The following KIF6 variants were observed in gnomAD, a reference collection of about 807,000 sequenced individuals.
KIF6 encodes kinesin family member 6, also known as kinesin-like protein KIF6.
Under a neutral mutation model 112.7 loss-of-function variants are expected in KIF6, and 106 were observed. The ratio of observed to expected loss-of-function variants is 0.94; its 90% CI spans 0.80 to 1.11. The LOEUF is 1.11. KIF6 is among the 50% of genes least tolerant of loss of function. KIF6 has a pLI of 0.00. For synonymous variants in KIF6, 339 were observed against 339.9 expected (o/e 1.00, Z 0.03); for missense variants, 929 against 964.0 (o/e 0.96, Z 0.48).
At chr6:39,412,596 C>A (rs528032798) in intron 15 of KIF6, among the ~76,000 whole-genome samples, 1 of 152,108 alleles carries the variant, frequency 6.6e-6, no homozygotes, top group African/African-American at 2.4e-5. Flanking sequence ...TCTCTTACAA[C>A]CATGTTTCTT....
chr6:39,518,733 T>G (rs1254711546), intron 13 of KIF6, among the ~76,000 whole-genome samples: 1 of 152,206 alleles, frequency 6.6e-6, no homozygotes, highest in Non-Finnish European at 1.5e-5. Context: ...TGGCACTTCT[T>G]GGAATGATCA....
chr6:39,348,931 A>T (rs1411256466), intron 19 of KIF6, among the ~76,000 whole-genome samples: 1 of 152,138 alleles, frequency 6.6e-6, no homozygotes, highest in Non-Finnish European at 1.5e-5. Flanking sequence ...ACCGGGCAAC[A>T]TTTATCTGCT....
intron 7 of KIF6, among the ~76,000 whole-genome samples, chr6:39,586,836 T>C (rs985331628): frequency 6.6e-6 from 1 of 152,166 alleles, no homozygotes; most frequent in African/African-American, 2.4e-5. Context: ...CAGATTCTCA[T>C]GCAAGATTGT....
intron 13 of KIF6, among the ~76,000 whole-genome samples, chr6:39,524,351 G>T (rs1777583160): frequency 6.6e-6 from 1 of 152,136 alleles, no homozygotes; most frequent in Non-Finnish European, 1.5e-5. Flanking sequence ...TTACTATAGA[G>T]TTACATTGTG....
Position 39,639,211 on chromosome 6 carries a change from C to G in KIF6, c.399+399G>C, listed in dbSNP as rs1784783576. ...TTGGTAAATTCCTCTGGGCTTCTATCAAGTGTAAAATAGTAACAATTATAC... is the reference window on the plus strand; with the variant it reads ...TTGGTAAATTCCTCTGGGCTTCTATGAAGTGTAAAATAGTAACAATTATAC... On this transcript the variant is annotated intron_variant, in intron 4 of 22. Transcript: ENST00000287152. Among the ~76,000 whole-genome samples, 5 of 152,020 alleles carry G rather than the reference C, an allele frequency of 3.3e-5. No individual in the cohort carries two copies. In the South Asian group the frequency reaches 1.0e-3, roughly 31 times the overall value.
intron 13 of KIF6, among the ~76,000 whole-genome samples, chr6:39,536,280 G>GT (rs34411351): frequency 0.043 from 6,568 of 151,982 alleles, 323 homozygotes; most frequent in East Asian, 0.27. Flanking sequence ...CCAGGAGCTG[G>GT]TTTTTTTAAA....
chr6:39,557,437 G>T (rs1473437170), intron 10 of KIF6, among the ~76,000 whole-genome samples: 1 of 152,100 alleles, frequency 6.6e-6, no homozygotes, highest in Non-Finnish European at 1.5e-5. Context: ...CCATGAAATT[G>T]TTAAAACAAT....
intron 16 of KIF6, among the ~76,000 whole-genome samples, chr6:39,369,490 G>C (rs1765807153): frequency 6.6e-6 from 1 of 152,156 alleles, no homozygotes; most frequent in Non-Finnish European, 1.5e-5. Flanking sequence ...CCAGATGCCT[G>C]CTTGTAGCAA....
chr6:39,367,487 A>G (rs1167329587), intron 16 of KIF6, among the ~76,000 whole-genome samples: 1 of 152,202 alleles, frequency 6.6e-6, no homozygotes, highest in Non-Finnish European at 1.5e-5. Context: ...AAAGCAGTAC[A>G]AAAGCAAGAG....
At chr6:39,644,319 A>C (rs2466409) in intron 3 of KIF6, among the ~76,000 whole-genome samples, 81,308 of 152,004 alleles carry the variant, frequency 0.53, 24,776 homozygotes, top group African/African-American at 0.84. Flanking sequence ...AGGTGTATAC[A>C]CAGCAGTATT....
At chr6:39,566,868 G>A (rs1362804003) in intron 10 of KIF6, among the ~76,000 whole-genome samples, 2 of 152,150 alleles carry the variant, frequency 1.3e-5, no homozygotes. Context: ...CTGTCACTTG[G>A]AGGTGTAAAA....
chr6:39,626,851 T>C (rs762091673), intron 5 of KIF6, among the ~76,000 whole-genome samples: 2 of 152,152 alleles, frequency 1.3e-5, no homozygotes, highest in African/African-American at 4.8e-5. Flanking sequence ...TTACACTTAG[T>C]TAAATTTCAA....
chr6:39,509,366 G>C (rs1776633686), intron 13 of KIF6, among the ~76,000 whole-genome samples: 1 of 152,216 alleles, frequency 6.6e-6, no homozygotes, highest in South Asian at 2.1e-4. Flanking sequence ...GAACAAAACT[G>C]GATGGAGAAT....
At chr6:39,644,214 C>T (rs982630966) in intron 3 of KIF6, among the ~76,000 whole-genome samples, 2 of 151,260 alleles carry the variant, frequency 1.3e-5, no homozygotes, top group Non-Finnish European at 2.9e-5. Context: ...CAAATTGGAA[C>T]CTTCATACAT....
chr6:39,665,665 T>C (rs1488120818), intron 3 of KIF6, among the ~76,000 whole-genome samples: 3 of 152,132 alleles, frequency 2.0e-5, no homozygotes, highest in African/African-American at 7.2e-5. Context: ...GCTGGCCAAC[T>C]TTCACGATCA....
chr6:39,689,150 A>C (rs1362272556), intron 3 of KIF6, among the ~76,000 whole-genome samples: 2 of 152,192 alleles, frequency 1.3e-5, no homozygotes, highest in Admixed American at 6.5e-5. Context: ...AAAGAAAAGA[A>C]AAGAGAAAAG....
At chr6:39,513,192 G>A (rs1184718838) in intron 13 of KIF6, among the ~76,000 whole-genome samples, 1 of 152,160 alleles carries the variant, frequency 6.6e-6, no homozygotes, top group East Asian at 1.9e-4. Flanking sequence ...TACAGCAAAT[G>A]GTCTGACTGC....
chr6:39,532,087 C>T (rs188239311), intron 13 of KIF6, among the ~76,000 whole-genome samples: 84 of 152,222 alleles, frequency 5.5e-4, no homozygotes, highest in Non-Finnish European at 9.6e-4. Flanking sequence ...TGGTCTTAAC[C>T]GGAGGTTGGC....
At chr6:39,485,579 T>C (rs1775064374) in intron 13 of KIF6, among the ~76,000 whole-genome samples, 1 of 152,126 alleles carries the variant, frequency 6.6e-6, no homozygotes, top group Non-Finnish European at 1.5e-5. Flanking sequence ...TTAGCGATTC[T>C]CAAGTGAAGA....
Sources: allele counts gnomAD v4.1 joint callset (sites outside exome capture counted in the v4.1 genomes callset), GRCh38; gene constraint gnomAD v4.1.1; transcripts MANE v1.5; gene names NCBI Gene and HGNC (gene_info 2026-07-23, HGNC 2026-07-21).